The following ROR2 variants were observed in gnomAD, a reference collection of about 807,000 sequenced individuals.
The protein encoded by ROR2 is ROR family WNT receptor 2.
Under a neutral mutation model 74.9 loss-of-function variants are expected in ROR2, and 33 were observed. That is an observed-to-expected ratio of 0.44 (90% CI 0.33 to 0.59). The LOEUF (loss-of-function observed/expected upper bound fraction) is 0.59. Among genes scored for constraint, ROR2 ranks in the 20% least tolerant of loss-of-function variants. ROR2 has a pLI of 0.02. For missense variants in ROR2, 1,216 were observed against 1,313.8 expected (o/e 0.93, Z 1.15); for synonymous variants, 586 against 558.7 (o/e 1.05, Z -0.69).
At chr9:91,791,880 A>T (rs1433974693) in intron 1 of ROR2, among the ~76,000 whole-genome samples, 1 of 152,212 alleles carries the variant, frequency 6.6e-6, no homozygotes, top group Non-Finnish European at 1.5e-5. Flanking sequence ...ATACATTTAA[A>T]AAGATTAAAA....
intron 2 of ROR2, among the ~76,000 whole-genome samples, chr9:91,773,098 TC>T (rs1422440514): frequency 6.6e-6 from 1 of 152,164 alleles, no homozygotes; most frequent in Non-Finnish European, 1.5e-5. Context: ...ACAGCTCCCA[TC>T]CCACATGCAG....
Position 91,730,850 on chromosome 9 carries a change from C to T in ROR2, c.1183+60G>A, listed in dbSNP as rs919814233. ...CCCAACCCAGGTCAGGACAGAACGC[C>T]CTCATCACAAGGTTCACTCAACAAT... is the stretch of plus-strand genomic sequence containing the variant. On this transcript the variant is annotated intron_variant, in intron 7 of 8. Transcript: ENST00000375708. 1.9e-6 allele frequency: 3 copies of T among 1,610,330 alleles called. No homozygotes were observed. In the African/African-American group the frequency reaches 4.0e-5, roughly 22 times the overall value.
chr9:91,917,092 C>T (rs1369133025), intron 1 of ROR2, among the ~76,000 whole-genome samples: 1 of 152,184 alleles, frequency 6.6e-6, no homozygotes, highest in Non-Finnish European at 1.5e-5. Flanking sequence ...TCATTAATTT[C>T]CTCCTGACCC....
chr9:91,869,666 G>A (rs936396173), intron 1 of ROR2, among the ~76,000 whole-genome samples: 1 of 152,166 alleles, frequency 6.6e-6, no homozygotes, highest in African/African-American at 2.4e-5. Context: ...AGGCTCGTGG[G>A]TGGAGGTAAA....
intron 2 of ROR2, among the ~76,000 whole-genome samples, chr9:91,770,447 G>A (rs1826193020): frequency 6.6e-6 from 1 of 152,166 alleles, no homozygotes; most frequent in South Asian, 2.1e-4. Flanking sequence ...CTGGGCACCT[G>A]GAGCACACCC....
At chr9:91,906,464 C>T (rs997937066) in intron 1 of ROR2, among the ~76,000 whole-genome samples, 6 of 152,124 alleles carry the variant, frequency 3.9e-5, no homozygotes, top group African/African-American at 1.4e-4. Context: ...TCACAGGCTG[C>T]CACAAGTCCA....
At chr9:91,819,954 GTGTC>G (rs1457779048) in intron 1 of ROR2, among the ~76,000 whole-genome samples, 2 of 152,112 alleles carry the variant, frequency 1.3e-5, no homozygotes, top group African/African-American at 4.8e-5. Flanking sequence ...GAGTGTGTAT[GTGTC>G]TGTCTTTGAC....
At chr9:91,783,080 C>G (rs542950001) in intron 1 of ROR2, among the ~76,000 whole-genome samples, 1 of 152,116 alleles carries the variant, frequency 6.6e-6, no homozygotes, top group Admixed American at 6.5e-5. Flanking sequence ...GCTGGCAGAC[C>G]ATGGCTTCTC....
intron 5 of ROR2, among the ~76,000 whole-genome samples, chr9:91,734,693 G>C (rs1824962079): frequency 6.6e-6 from 1 of 152,174 alleles, no homozygotes; most frequent in African/African-American, 2.4e-5. Context: ...TTCTGTACCT[G>C]AAGAGTGATT....
chr9:91,740,650 GA>G (rs1156402440), intron 4 of ROR2, among the ~76,000 whole-genome samples: 1 of 151,718 alleles, frequency 6.6e-6, no homozygotes, highest in African/African-American at 2.4e-5. Context: ...CTTTGCTTTT[GA>G]ATTGTCTGAG....
intron 8 of ROR2, among the ~76,000 whole-genome samples, chr9:91,725,812 T>G (rs1159618460): frequency 6.6e-6 from 1 of 152,108 alleles, no homozygotes; most frequent in Admixed American, 6.5e-5. Flanking sequence ...TGGGCCTCCG[T>G]GCAAGCCCCG....
At chr9:91,949,280 G>A (rs111256447) in intron 1 of ROR2, among the ~76,000 whole-genome samples, 1,939 of 151,990 alleles carry the variant, frequency 0.013, 40 homozygotes, top group African/African-American at 0.044. Context: ...CAAAGAGCCC[G>A]TTTCCATCAA....
chr9:91,777,260 T>G (rs894196947), intron 1 of ROR2, among the ~76,000 whole-genome samples: 3 of 152,106 alleles, frequency 2.0e-5, no homozygotes, highest in Admixed American at 2.0e-4. Context: ...GTAGAATGGG[T>G]ACAAGTGAAA....
intron 4 of ROR2, among the ~76,000 whole-genome samples, chr9:91,744,637 T>C (rs1825352286): frequency 6.6e-6 from 1 of 152,182 alleles, no homozygotes; most frequent in Admixed American, 6.5e-5. Context: ...TGATAACAGA[T>C]GTGGCAAAAA....
At chr9:91,896,428 G>A (rs1830540222) in intron 1 of ROR2, among the ~76,000 whole-genome samples, 2 of 152,138 alleles carry the variant, frequency 1.3e-5, no homozygotes, top group Non-Finnish European at 2.9e-5. Context: ...TCCTCACAAG[G>A]TGATCAGATT....
intron 1 of ROR2, among the ~76,000 whole-genome samples, chr9:91,910,228 G>T (rs765163335): frequency 6.6e-6 from 1 of 152,140 alleles, no homozygotes. Flanking sequence ...TGCTGGCACT[G>T]GTGATGTGAA....
At chr9:91,807,156 G>A (rs540067955) in intron 1 of ROR2, among the ~76,000 whole-genome samples, 24 of 152,300 alleles carry the variant, frequency 1.6e-4, no homozygotes, top group African/African-American at 5.3e-4. Flanking sequence ...GTCCTTGCTG[G>A]AGTTAGATCA....
intron 1 of ROR2, among the ~76,000 whole-genome samples, chr9:91,911,497 C>T (rs1587841099): frequency 2.0e-5 from 3 of 149,444 alleles, no homozygotes; most frequent in Non-Finnish European, 3.0e-5. Flanking sequence ...TGCTGTTGAC[C>T]GAAACATTAC....
intron 1 of ROR2, among the ~76,000 whole-genome samples, chr9:91,937,583 G>C (rs1172001127): frequency 6.6e-6 from 1 of 152,158 alleles, no homozygotes; most frequent in African/African-American, 2.4e-5. Flanking sequence ...GAGATGAAGG[G>C]AAAGAGGCCC....
Sources: allele counts gnomAD v4.1 joint callset (sites outside exome capture counted in the v4.1 genomes callset), GRCh38; gene constraint gnomAD v4.1.1; transcripts MANE v1.5; gene names NCBI Gene and HGNC (gene_info 2026-07-23, HGNC 2026-07-21).